Variants in SLC39A8 observed in about 807,000 individuals in gnomAD.
SLC39A8 encodes the protein solute carrier family 39 member 8.
Under a neutral mutation model 40.4 loss-of-function variants are expected in SLC39A8, and 15 were observed. The ratio of observed to expected loss-of-function variants is 0.37; its 90% CI spans 0.25 to 0.57. SLC39A8 has a LOEUF of 0.57. SLC39A8 is among the 20% of genes least tolerant of loss of function. SLC39A8 has a pLI of 0.75. For missense variants in SLC39A8, 472 were observed against 558.8 expected, an observed-to-expected ratio of 0.84 and a Z score of 1.57; for synonymous variants, 223 against 221.6, an observed-to-expected ratio of 1.01 and a Z score of -0.06.
chr4:102,338,223 G>C (rs1392770906), intron 2 of SLC39A8, among the ~76,000 whole-genome samples: 2 of 106,666 alleles, frequency 1.9e-5, no homozygotes, highest in Non-Finnish European at 3.7e-5. Flanking sequence ...GTCTTACTTT[G>C]TCACCCAGGC....
rs151394 is a variant in SLC39A8, at chr4:102,263,495, G to C, written c.1234-302C>G. On this transcript the variant is annotated intron_variant, in intron 8 of 8. Transcript: ENST00000356736. ...AAATGCTACCAATCATTCGAGCTTT[G>C]GGTGAGTTGTAATCTTTTTGCTGGT... is the stretch of plus-strand genomic sequence containing the variant. Among the ~76,000 whole-genome samples the C allele has an allele frequency of 0.81, 123,272 of 152,214 alleles. 50,823 individuals carry two copies. Among genetic ancestry groups the C allele is most frequent in the African/African-American group, 0.95 (39,629 of 41,562 alleles).
rs566175523 is a variant in SLC39A8, at chr4:102,341,856, C to G, written c.219+2588G>C. Among the ~76,000 whole-genome samples the G allele has an allele frequency of 1.4e-4, 21 of 152,324 alleles. No individual in the cohort carries two copies. In the South Asian group the frequency reaches 4.4e-3, roughly 32 times the overall value. ...ACCTAATAAATATCACAGCCCTCAACCAAAAGAACAATGTTATTTGAAAAC... is the reference window on the plus strand; with the variant it reads ...ACCTAATAAATATCACAGCCCTCAAGCAAAAGAACAATGTTATTTGAAAAC... On this transcript the variant is annotated intron_variant, in intron 2 of 8. Coordinates refer to ENST00000356736, the MANE Select transcript of SLC39A8 (RefSeq NM_001135146.2).
At chr4:102,309,271 C>T (rs2149036551) in intron 3 of SLC39A8, among the ~76,000 whole-genome samples, 1 of 152,142 alleles carries the variant, frequency 6.6e-6, no homozygotes, top group East Asian at 1.9e-4. Flanking sequence ...GATACAAAGT[C>T]ACCTGTGCTA....
downstream of SLC39A8, among the ~76,000 whole-genome samples, chr4:102,257,797 C>G (rs1032291092): frequency 6.6e-6 from 1 of 152,210 alleles, no homozygotes; most frequent in Non-Finnish European, 1.5e-5. Context: ...ACACTGAACT[C>G]CAAATTCACT....
intron 6 of SLC39A8, among the ~76,000 whole-genome samples, chr4:102,303,627 T>C (rs2149032500): frequency 6.6e-6 from 1 of 151,932 alleles, no homozygotes; most frequent in Middle Eastern, 3.4e-3. Flanking sequence ...TAGGTTCTTG[T>C]TTTTCCTGTA....
chr4:102,295,277 T>G (rs1438640011), intron 6 of SLC39A8, among the ~76,000 whole-genome samples: 1 of 151,464 alleles, frequency 6.6e-6, no homozygotes, highest in Non-Finnish European at 1.5e-5. Context: ...AACATTGGAA[T>G]TGTGTTTGCA....
intron 6 of SLC39A8, among the ~76,000 whole-genome samples, chr4:102,269,982 A>G (rs1732273420): frequency 6.6e-6 from 1 of 152,222 alleles, no homozygotes; most frequent in Non-Finnish European, 1.5e-5. Context: ...AAAATGCCCC[A>G]GAGCGGGAAG....
At chr4:102,294,738 C>G (rs1163158172) in intron 6 of SLC39A8, among the ~76,000 whole-genome samples, 124 of 151,930 alleles carry the variant, frequency 8.2e-4, no homozygotes, top group Non-Finnish European at 4.4e-5. Flanking sequence ...ATAGTTTTTT[C>G]TTTAACACAA....
intron 5 of SLC39A8, 75 bp downstream of exon 5, chr4:102,304,914 T>C (rs1039763548): frequency 7.6e-7 from 1 of 1,314,698 alleles, no homozygotes; most frequent in Admixed American, 2.5e-5. Context: ...AAAAATAAAA[T>C]TTCTGTCTTT....
intron 6 of SLC39A8, among the ~76,000 whole-genome samples, chr4:102,274,768 A>G (rs1732539103): frequency 1.3e-5 from 2 of 152,222 alleles, no homozygotes; most frequent in Admixed American, 1.3e-4. Context: ...CAGAAACTCT[A>G]CAAGCCAGAA....
At chr4:102,323,465 A>T (rs944340477) in intron 2 of SLC39A8, among the ~76,000 whole-genome samples, 4 of 152,210 alleles carry the variant, frequency 2.6e-5, no homozygotes, top group African/African-American at 4.8e-5. Flanking sequence ...GATGCATCTG[A>T]TTCTTGGGGA....
downstream of SLC39A8, among the ~76,000 whole-genome samples, chr4:102,261,303 T>C (rs1731842387): frequency 6.6e-6 from 1 of 152,212 alleles, no homozygotes; most frequent in Admixed American, 6.5e-5. Context: ...CAGCTGTTGA[T>C]ATGCCTATGT....
chr4:102,285,884 C>T (rs895725753), intron 6 of SLC39A8, among the ~76,000 whole-genome samples: 1 of 152,084 alleles, frequency 6.6e-6, no homozygotes, highest in African/African-American at 2.4e-5. Context: ...TCATTTATTA[C>T]AATAAAACAC....
At chr4:102,306,516 CA>C (rs33933504) in intron 4 of SLC39A8, among the ~76,000 whole-genome samples, 152,048 of 152,048 alleles carry the variant, frequency 1, 76,024 homozygotes, top group Non-Finnish European at 1. Context: ...TACCCACTTT[CA>C]ATGTATAGCT....
At chr4:102,316,493 G>GA (rs1734664048) in intron 2 of SLC39A8, among the ~76,000 whole-genome samples, 1 of 151,906 alleles carries the variant, frequency 6.6e-6, no homozygotes, top group Non-Finnish European at 1.5e-5. Context: ...TCTACATTAG[G>GA]AAAAAAACTG....
chr4:102,259,926 A>G (rs1731801396), downstream of SLC39A8, among the ~76,000 whole-genome samples: 1 of 152,218 alleles, frequency 6.6e-6, no homozygotes, highest in Non-Finnish European at 1.5e-5. Flanking sequence ...AAGTCCATAG[A>G]AAAGAGTTTT....
chr4:102,320,200 T>C (rs1734858929), intron 2 of SLC39A8, among the ~76,000 whole-genome samples: 1 of 137,596 alleles, frequency 7.3e-6, no homozygotes, highest in South Asian at 2.2e-4. Context: ...TGTATATATA[T>C]ATGTATATAT....
intron 6 of SLC39A8, among the ~76,000 whole-genome samples, chr4:102,296,002 C>G (rs569153754): frequency 6.6e-6 from 1 of 152,124 alleles, no homozygotes; most frequent in East Asian, 1.9e-4. Flanking sequence ...CCTGATAAAT[C>G]GTCATTTGAA....
intron 6 of SLC39A8, among the ~76,000 whole-genome samples, chr4:102,289,914 T>A (rs950696593): frequency 6.6e-6 from 1 of 152,178 alleles, no homozygotes; most frequent in Non-Finnish European, 1.5e-5. Context: ...GAATACTTCA[T>A]AAATGTAGTT....
Sources: allele counts gnomAD v4.1 joint callset (sites outside exome capture counted in the v4.1 genomes callset), GRCh38; gene constraint gnomAD v4.1.1; transcripts MANE v1.5; gene names NCBI Gene and HGNC (gene_info 2026-07-23, HGNC 2026-07-21).